Variants in LRRTM4 observed in about 807,000 individuals in gnomAD.
LRRTM4 encodes the protein leucine-rich repeat transmembrane neuronal protein 4.
LRRTM4 carries 25 observed loss-of-function variants against 47.6 expected under a neutral mutation model. The observed-to-expected ratio is 0.53, with a 90% confidence interval of 0.38 to 0.73. LRRTM4 has a LOEUF of 0.73. LRRTM4 is among the 30% of genes least tolerant of loss of function. The pLI is 0.00. For missense variants in LRRTM4, 638 were observed against 713.4 expected (o/e 0.89, Z 1.20); for synonymous variants, 311 against 269.5 (o/e 1.15, Z -1.51).
chr2:76,962,226 A>G (rs1675883442), intron 3 of LRRTM4, among the ~76,000 whole-genome samples: 1 of 151,288 alleles, frequency 6.6e-6, no homozygotes. Flanking sequence ...GATAAATAAA[A>G]ATTTCTGAGA....
intron 3 of LRRTM4, among the ~76,000 whole-genome samples, chr2:77,228,607 G>C (rs776812275): frequency 2.0e-5 from 3 of 152,144 alleles, no homozygotes; most frequent in Non-Finnish European, 2.9e-5. Context: ...CCCAAGGCTT[G>C]GATTCCAGCC....
chr2:76,853,481 C>T (rs932180030), intron 3 of LRRTM4, among the ~76,000 whole-genome samples: 4 of 152,076 alleles, frequency 2.6e-5, no homozygotes, highest in South Asian at 2.1e-4. Flanking sequence ...ATCAAACTCT[C>T]GTCCTTGCCC....
At chr2:76,946,240 A>T (rs1325009366) in intron 3 of LRRTM4, among the ~76,000 whole-genome samples, 1 of 151,928 alleles carries the variant, frequency 6.6e-6, no homozygotes, top group East Asian at 1.9e-4. Context: ...ATGACTCAAC[A>T]CATTTTTATA....
chr2:76,855,908 A>T (rs1013335629), intron 3 of LRRTM4, among the ~76,000 whole-genome samples: 2 of 152,180 alleles, frequency 1.3e-5, no homozygotes, highest in African/African-American at 4.8e-5. Flanking sequence ...GGAAGTTTTT[A>T]AAATGGGGAA....
At chr2:77,130,857 C>G (rs1260992050) in intron 3 of LRRTM4, among the ~76,000 whole-genome samples, 1 of 26,072 alleles carries the variant, frequency 3.8e-5, no homozygotes, top group Non-Finnish European at 6.7e-5. Context: ...TTTTTTGAGA[C>G]GGAGTCTCGC....
At chr2:76,801,389 T>A (rs548326466) in intron 3 of LRRTM4, among the ~76,000 whole-genome samples, 4 of 152,156 alleles carry the variant, frequency 2.6e-5, no homozygotes, top group African/African-American at 9.6e-5. Context: ...TTGGAAATCA[T>A]CATTCTCAGT....
intron 3 of LRRTM4, among the ~76,000 whole-genome samples, chr2:77,161,446 G>A (rs183200880): frequency 1.3e-5 from 2 of 152,178 alleles, no homozygotes; most frequent in Admixed American, 1.3e-4. Context: ...CCATCCTCCT[G>A]GTTCGGTTGC....
chr2:77,086,693 C>T (rs546289268), intron 3 of LRRTM4, among the ~76,000 whole-genome samples: 1 of 152,028 alleles, frequency 6.6e-6, no homozygotes, highest in African/African-American at 2.4e-5. Flanking sequence ...CGGGGTTTCA[C>T]CACACTGGCC....
At chr2:76,864,497 A>G (rs543082403) in intron 3 of LRRTM4, among the ~76,000 whole-genome samples, 1 of 152,110 alleles carries the variant, frequency 6.6e-6, no homozygotes, top group South Asian at 2.1e-4. Flanking sequence ...ATCTCTACTA[A>G]AAATACAAAA....
chr2:76,752,385 C>T (rs921981007), intron 3 of LRRTM4, among the ~76,000 whole-genome samples: 2 of 152,130 alleles, frequency 1.3e-5, no homozygotes, highest in African/African-American at 4.8e-5. Flanking sequence ...TTTACGTTTA[C>T]ATATTACACC....
intron 3 of LRRTM4, among the ~76,000 whole-genome samples, chr2:77,347,778 T>C (rs989996015): frequency 1.3e-5 from 2 of 152,136 alleles, no homozygotes; most frequent in Admixed American, 6.6e-5. Context: ...TGTATCACTT[T>C]GCAGCCCATA....
At chr2:76,802,706 C>T (rs1436614185) in intron 3 of LRRTM4, among the ~76,000 whole-genome samples, 2 of 152,018 alleles carry the variant, frequency 1.3e-5, no homozygotes, top group Non-Finnish European at 2.9e-5. Context: ...TGACTTCCTT[C>T]AAAGTATACT....
intron 3 of LRRTM4, among the ~76,000 whole-genome samples, chr2:76,927,123 G>C (rs1223647966): frequency 6.6e-6 from 1 of 152,018 alleles, no homozygotes; most frequent in Non-Finnish European, 1.5e-5. Flanking sequence ...CATGCATTTG[G>C]TGTGGATCTC....
At chr2:76,960,375 A>G (rs932368100) in intron 3 of LRRTM4, among the ~76,000 whole-genome samples, 7 of 151,652 alleles carry the variant, frequency 4.6e-5, no homozygotes, top group African/African-American at 1.7e-4. Flanking sequence ...TTTTAACTTT[A>G]TAAAAATAAG....
chr2:77,388,115 T>C (rs1673356279), intron 3 of LRRTM4, among the ~76,000 whole-genome samples: 1 of 150,956 alleles, frequency 6.6e-6, no homozygotes, highest in Non-Finnish European at 1.5e-5. Flanking sequence ...CTGAGGAACA[T>C]GACCATCTTC....
chr2:77,092,326 T>G (rs1670673805), intron 3 of LRRTM4, among the ~76,000 whole-genome samples: 1 of 151,642 alleles, frequency 6.6e-6, no homozygotes, highest in Admixed American at 6.6e-5. Flanking sequence ...TTTCCTTCTT[T>G]CCTGTTCCTC....
At chr2:76,970,529 A>G (rs989451673) in intron 3 of LRRTM4, among the ~76,000 whole-genome samples, 1 of 152,054 alleles carries the variant, frequency 6.6e-6, no homozygotes, top group Non-Finnish European at 1.5e-5. Flanking sequence ...CACTTGTGGC[A>G]TATCATATGA....
intron 3 of LRRTM4, among the ~76,000 whole-genome samples, chr2:77,114,124 C>T (rs1671325681): frequency 6.6e-6 from 1 of 152,040 alleles, no homozygotes. Context: ...TCTCCAGATT[C>T]AGAAAACTGT....
At chr2:77,261,314 C>G (rs373871497) in intron 3 of LRRTM4, among the ~76,000 whole-genome samples, 1 of 152,086 alleles carries the variant, frequency 6.6e-6, no homozygotes, top group African/African-American at 2.4e-5. Flanking sequence ...CAGCTAGACA[C>G]GGTCATATAT....
Sources: allele counts gnomAD v4.1 joint callset (sites outside exome capture counted in the v4.1 genomes callset), GRCh38; gene constraint gnomAD v4.1.1; transcripts MANE v1.5; gene names NCBI Gene and HGNC (gene_info 2026-07-23, HGNC 2026-07-21).